The following CDC42BPB variants were observed in gnomAD, a reference collection of about 807,000 sequenced individuals.
CDC42BPB encodes CDC42 binding protein kinase beta, also known as serine/threonine-protein kinase MRCK beta.
Under a neutral mutation model 214.9 loss-of-function variants are expected in CDC42BPB, and 37 were observed. The observed-to-expected ratio is 0.17, with a 90% confidence interval of 0.13 to 0.23. The LOEUF (loss-of-function observed/expected upper bound fraction) is 0.23, where lower values mean the gene tolerates loss of function less well. Ranked by LOEUF, CDC42BPB falls within the 10% of genes least tolerant of loss-of-function variation. The pLI, the probability that CDC42BPB is intolerant of heterozygous loss-of-function variation, is 1.00. For missense variants in CDC42BPB, 1,694 were observed against 2,227.0 expected (o/e 0.76, Z 4.82); for synonymous variants, 931 against 884.0 (o/e 1.05, Z -0.94).
intron 5 of CDC42BPB, among the ~76,000 whole-genome samples, chr14:102,997,937 G>C (rs1190566061): frequency 6.6e-6 from 1 of 152,180 alleles, no homozygotes; most frequent in Non-Finnish European, 1.5e-5. Context: ...TTGAGGTCAA[G>C]AGTTCAAGAC....
chr14:102,999,933 T>G, intron 4 of CDC42BPB: 1 of 983,468 alleles, frequency 1.0e-6, no homozygotes, highest in Non-Finnish European at 1.2e-6. Context: ...AGAGTGGACT[T>G]CAGTAAGTGA....
chr14:102,997,537 T>C (rs1045587721), intron 5 of CDC42BPB, among the ~76,000 whole-genome samples: 14 of 151,342 alleles, frequency 9.3e-5, no homozygotes, highest in African/African-American at 3.4e-4. Context: ...ACAGGACAAA[T>C]GAGGAACCAA....
At chr14:103,002,617 G>C (rs1381618057) in intron 4 of CDC42BPB, among the ~76,000 whole-genome samples, 1 of 152,122 alleles carries the variant, frequency 6.6e-6, no homozygotes, top group African/African-American at 2.4e-5. Context: ...GGAAGCGGGG[G>C]GGTTTATGTG....
At chr14:103,020,968 A>G (rs374948647) in intron 1 of CDC42BPB, among the ~76,000 whole-genome samples, 32 of 152,362 alleles carry the variant, frequency 2.1e-4, no homozygotes, top group Non-Finnish European at 3.2e-4. Context: ...CCCTCTCATC[A>G]GGAATCACGA....
chr14:102,971,851 C>G, intron 13 of CDC42BPB, 68 bp downstream of exon 13: 1 of 1,522,394 alleles, frequency 6.6e-7, no homozygotes, highest in Non-Finnish European at 8.9e-7. Context: ...CCCAAGATTT[C>G]AAAGACGTTT....
At position 103,003,975 on chromosome 14, in the gene CDC42BPB, G is replaced by T; in HGVS notation, c.400C>A (p.Gln134Lys). ...ERDVLVNGDC[Q>K]WITALHYAFQ... is the part of the protein sequence containing the mutation. ...GCGTAGTGCAGCGCGGTGATCCACT[G>T]GCAGTCGCCGTTCACCAGCACATCG... The change falls in exon 4 of 37, where the codon CAG (glutamine) becomes AAG (lysine). Residue 134 changes from glutamine to lysine, a missense_variant. This residue lies in a region of CDC42BPB where 225 missense variants were observed against 459.3 expected (regional missense o/e 0.49). Coordinates refer to ENST00000361246, the MANE Select transcript of CDC42BPB (RefSeq NM_006035.4). 1 of 1,611,086 alleles carries T rather than the reference G, an allele frequency of 6.2e-7. No individual in the cohort carries two copies. The highest frequency in any genetic ancestry group is 8.5e-7 in the Non-Finnish European group (1 of 1,179,520).
chr14:103,002,111 G>A (rs535179788), intron 4 of CDC42BPB, among the ~76,000 whole-genome samples: 1 of 152,296 alleles, frequency 6.6e-6, no homozygotes, highest in African/African-American at 2.4e-5. Flanking sequence ...TCTGTGGGTG[G>A]TCAGAGGAAC....
intron 5 of CDC42BPB, chr14:102,986,815 T>C: frequency 1.3e-6 from 1 of 778,804 alleles, no homozygotes; most frequent in South Asian, 5.8e-5. Context: ...TGACGATTCC[T>C]ACTCGTCTGC....
At chr14:103,003,467 A>T (rs896502095) in intron 4 of CDC42BPB, among the ~76,000 whole-genome samples, 2 of 152,216 alleles carry the variant, frequency 1.3e-5, no homozygotes, top group Non-Finnish European at 2.9e-5. Context: ...GTGGAGACTA[A>T]GAGTCACCTA....
intron 5 of CDC42BPB, among the ~76,000 whole-genome samples, chr14:102,992,784 T>A (rs1273055338): frequency 2.0e-5 from 3 of 146,940 alleles, no homozygotes; most frequent in African/African-American, 7.6e-5. Flanking sequence ...ATATTAAAAA[T>A]ATATATATTC....
chr14:102,980,674 A>G, intron 8 of CDC42BPB, 99 bp downstream of exon 8: 1 of 1,180,072 alleles, frequency 8.5e-7, no homozygotes, highest in South Asian at 1.4e-5. Flanking sequence ...CAAATTTCAC[A>G]GCTTTATGGT....
rs1889046742 is a variant in CDC42BPB at position 103,057,363 on chromosome 14, G to A, written c.-190C>T. ...GCTCCGTCCCGACGGCGCAGAGTCT[G>A]GGGCGCCGGGCCCCGCGGGTCCATG... On this transcript the variant is annotated 5_prime_UTR_variant, in exon 1 of 37. The change creates a premature stop within an existing upstream ORF in the 5' untranslated region. Coordinates refer to ENST00000361246, the MANE Select transcript of CDC42BPB (RefSeq NM_006035.4). 3.0e-6 allele frequency: 3 copies of A among 1,003,272 alleles called. No individual in the cohort carries two copies. The highest frequency in any genetic ancestry group is 2.4e-6 in the Non-Finnish European group (2 of 841,238). The allele number at this position is 1,003,272 out of a possible 1,614,324, so 62.1% of individuals were successfully genotyped here.
chr14:102,969,544 G>A (rs986398229), intron 14 of CDC42BPB, among the ~76,000 whole-genome samples: 1 of 152,228 alleles, frequency 6.6e-6, no homozygotes, highest in Non-Finnish European at 1.5e-5. Context: ...CGTCCCAGAG[G>A]AAGAGTTGCC....
chr14:102,945,826 T>A, intron 28 of CDC42BPB, 102 bp from the exon 29 acceptor site: 1 of 966,522 alleles, frequency 1.0e-6, no homozygotes, highest in African/African-American at 1.6e-5. Flanking sequence ...TTTTCAACCA[T>A]ATGTGGATGA....
chr14:102,961,954 A>ACTTT (rs1892981651), intron 20 of CDC42BPB, among the ~76,000 whole-genome samples: 1 of 152,262 alleles, frequency 6.6e-6, no homozygotes, highest in African/African-American at 2.4e-5. Flanking sequence ...CAAAATGCAA[A>ACTTT]AGGCTTTTAG....
At chr14:102,963,293 C>T in intron 19 of CDC42BPB, 138 bp from the exon 20 acceptor site, 2 of 1,382,056 alleles carry the variant, frequency 1.4e-6, no homozygotes, top group South Asian at 1.8e-5. Context: ...TCATGCTGGG[C>T]CTTTCTACTG....
At chr14:103,035,084 T>C (rs948486141) in intron 1 of CDC42BPB, among the ~76,000 whole-genome samples, 4 of 151,752 alleles carry the variant, frequency 2.6e-5, no homozygotes, top group Admixed American at 2.6e-4. Flanking sequence ...GAGACGGAGT[T>C]TCGCTTTTGT....
intron 6 of CDC42BPB, among the ~76,000 whole-genome samples, chr14:102,985,240 G>C (rs1339820616): frequency 9.3e-5 from 14 of 150,318 alleles, no homozygotes; most frequent in Non-Finnish European, 1.0e-4. Flanking sequence ...CCATGACGGG[G>C]TGGTGTGGAG....
chr14:103,010,327 G>C (rs998286540), intron 2 of CDC42BPB, among the ~76,000 whole-genome samples: 5 of 152,036 alleles, frequency 3.3e-5, no homozygotes, highest in African/African-American at 9.7e-5. Context: ...CTGGCCTGTG[G>C]TAAATTGACT....
Sources: allele counts gnomAD v4.1 joint callset (sites outside exome capture counted in the v4.1 genomes callset), GRCh38; gene constraint gnomAD v4.1.1; regional missense constraint gnomAD v4.1.1; transcripts MANE v1.5; gene names NCBI Gene and HGNC (gene_info 2026-07-23, HGNC 2026-07-21).